THRB: variants seen among roughly 807,000 people sequenced by gnomAD.
THRB encodes the protein thyroid hormone receptor beta, also known as nuclear receptor subfamily 1 group A member 2.
Under a neutral mutation model 47.8 loss-of-function variants are expected in THRB, and 12 were observed. That is an observed-to-expected ratio of 0.25 (90% CI 0.16 to 0.41). The LOEUF is 0.41. Among genes scored for constraint, THRB ranks in the 10% least tolerant of loss-of-function variants. The pLI is 1.00. For missense variants in THRB, 348 were observed against 589.2 expected, an observed-to-expected ratio of 0.59 and a Z score of 4.24; for synonymous variants, 218 against 212.2, an observed-to-expected ratio of 1.03 and a Z score of -0.24.
chr3:24,163,864 T>C (rs1015710529), intron 5 of THRB, among the ~76,000 whole-genome samples: 2 of 152,162 alleles, frequency 1.3e-5, no homozygotes, highest in African/African-American at 4.8e-5. Context: ...GTTTTTGTTT[T>C]TATAAAATTT....
chr3:24,372,613 A>G (rs1031897942), intron 1 of THRB, among the ~76,000 whole-genome samples: 3 of 152,128 alleles, frequency 2.0e-5, no homozygotes, highest in African/African-American at 7.2e-5. Flanking sequence ...CATAGGGATG[A>G]GTCGGAGATC....
chr3:24,455,718 T>C (rs2073107142), intron 1 of THRB, among the ~76,000 whole-genome samples: 1 of 152,180 alleles, frequency 6.6e-6, no homozygotes, highest in African/African-American at 2.4e-5. Flanking sequence ...CCGGCTTCAT[T>C]CAGTGGGGTC....
rs182135435 is a variant in THRB at position 24,479,675 on chromosome 3, A to C, written c.-261+14977T>G. Among the ~76,000 whole-genome samples, 55 of 152,284 alleles carry C rather than the reference A, an allele frequency of 3.6e-4. 1 individual carries two copies. Among genetic ancestry groups the C allele is most frequent in the African/African-American group, 1.2e-3 (48 of 41,570 alleles). On this transcript the variant is annotated intron_variant, in intron 1 of 10. Transcript: ENST00000646209. ...TGTGGTCAGCTTAGTGTTCCAGCTA[A>C]ACGCAGTTTGCCCCTCATGAGAACC...
intron 1 of THRB, among the ~76,000 whole-genome samples, chr3:24,453,862 C>T (rs924019699): frequency 2.0e-4 from 30 of 152,118 alleles, no homozygotes; most frequent in African/African-American, 5.8e-4. Context: ...TTTGCACATG[C>T]TGCTCCCTCT....
intron 3 of THRB, among the ~76,000 whole-genome samples, chr3:24,250,594 G>A (rs1359961946): frequency 1.3e-5 from 2 of 152,136 alleles, no homozygotes; most frequent in African/African-American, 4.8e-5. Context: ...TCAGCTACAG[G>A]AGAGACTAAG....
At position 24,219,331 on chromosome 3, in the gene THRB, G is replaced by A. The variant is rs563697776; in HGVS notation, c.22+9607C>T. Among the ~76,000 whole-genome samples, 7 of 152,260 alleles carry A rather than the reference G, an allele frequency of 4.6e-5. No individual in the cohort carries two copies. The South Asian group carries it at 1.2e-3, about 27-fold the overall frequency. Reference sequence around the variant, plus strand: ...AACAAAAAAATAGGATTTTAAACTCGATGCCTATCAAATCATTTGTGGGAC... The same window carrying A: ...AACAAAAAAATAGGATTTTAAACTCAATGCCTATCAAATCATTTGTGGGAC... On this transcript the variant is annotated intron_variant, in intron 4 of 10. Transcript: ENST00000646209.
chr3:24,389,071 G>A (rs2066353431), intron 1 of THRB, among the ~76,000 whole-genome samples: 1 of 152,192 alleles, frequency 6.6e-6, no homozygotes, highest in Admixed American at 6.5e-5. Context: ...CTATTTGGAT[G>A]TTTGAAGATG....
At chr3:24,165,691 G>A in intron 5 of THRB, 1 of 209,448 alleles carries the variant, frequency 4.8e-6, no homozygotes, top group Non-Finnish European at 9.5e-6. Flanking sequence ...CAGGCAGGTA[G>A]GAATGACCTC....
At chr3:24,288,639 T>C (rs2055588454) in intron 3 of THRB, among the ~76,000 whole-genome samples, 1 of 152,334 alleles carries the variant, frequency 6.6e-6, no homozygotes. Flanking sequence ...TCTGCCGATA[T>C]AAGCAAGCCT....
intron 1 of THRB, among the ~76,000 whole-genome samples, chr3:24,350,216 T>C (rs1317420060): frequency 1.3e-5 from 2 of 152,044 alleles, no homozygotes; most frequent in Admixed American, 1.3e-4. Context: ...ATACTGCCAA[T>C]ACCTAGTATT....
chr3:24,139,546 G>A (rs1346891740), intron 8 of THRB, among the ~76,000 whole-genome samples: 2 of 152,014 alleles, frequency 1.3e-5, no homozygotes, highest in Non-Finnish European at 2.9e-5. Context: ...CACCAAGCCT[G>A]GCTAAATTTG....
At chr3:24,383,210 G>T (rs1024312645) in intron 1 of THRB, among the ~76,000 whole-genome samples, 3 of 151,624 alleles carry the variant, frequency 2.0e-5, no homozygotes, top group Non-Finnish European at 4.4e-5. Flanking sequence ...AAAGTACCCG[G>T]CTCAGAAGAC....
chr3:24,255,435 G>T (rs899907027), intron 3 of THRB, among the ~76,000 whole-genome samples: 14 of 152,146 alleles, frequency 9.2e-5, no homozygotes, highest in African/African-American at 3.4e-4. Context: ...CTTTTGGAGA[G>T]AATATATATT....
chr3:24,305,843 A>G (rs2057298769), intron 2 of THRB, among the ~76,000 whole-genome samples: 1 of 152,208 alleles, frequency 6.6e-6, no homozygotes, highest in Non-Finnish European at 1.5e-5. Context: ...TCTATGCAGC[A>G]TTCAAAATCA....
In THRB at chr3:24,466,667, A is replaced by T. The variant is rs115558087; in HGVS notation, c.-261+27985T>A. ...ATGAATTTTGCTTCCCAGGGCATAT[A>T]AAACTTGTGTTTATACTATAGTGTA... On this transcript the variant is annotated intron_variant, in intron 1 of 10. Coordinates refer to ENST00000646209, the MANE Select transcript of THRB (RefSeq NM_001354712.2). 2.6e-3 allele frequency among the ~76,000 whole-genome samples: 396 copies of T among 152,350 alleles called. 4 individuals carry two copies. Among genetic ancestry groups the T allele is most frequent in the African/African-American group, 9.1e-3 (378 of 41,594 alleles).
intron 1 of THRB, among the ~76,000 whole-genome samples, chr3:24,452,074 C>T (rs1283975434): frequency 6.6e-6 from 1 of 152,116 alleles, no homozygotes; most frequent in East Asian, 1.9e-4. Context: ...TAGCTAACAA[C>T]TATGGGAGAA....
chr3:24,394,237 A>G (rs550359591), intron 1 of THRB, among the ~76,000 whole-genome samples: 23 of 152,252 alleles, frequency 1.5e-4, no homozygotes, highest in African/African-American at 5.1e-4. Context: ...AAGTTTCAAC[A>G]TAGTCTCTTA....
intron 3 of THRB, among the ~76,000 whole-genome samples, chr3:24,242,029 C>T (rs772194825): frequency 3.9e-5 from 6 of 152,156 alleles, no homozygotes; most frequent in Non-Finnish European, 8.8e-5. Flanking sequence ...TGAGTTATTT[C>T]TTGAAGCTAG....
At chr3:24,322,485 T>C (rs910480537) in intron 2 of THRB, among the ~76,000 whole-genome samples, 5 of 152,232 alleles carry the variant, frequency 3.3e-5, no homozygotes, top group Non-Finnish European at 5.9e-5. Flanking sequence ...CTCTGTCTGA[T>C]GGCCCCTCAC....
Sources: gnomAD v4.1 joint callset for allele counts (sites outside exome capture counted in the v4.1 genomes callset) on GRCh38, gnomAD v4.1.1 for gene constraint, MANE v1.5 for transcripts, NCBI Gene and HGNC (gene_info 2026-07-23, HGNC 2026-07-21) for gene names.